Variants in MPPED1 observed in about 807,000 individuals in gnomAD.
The protein encoded by MPPED1 is metallophosphoesterase domain containing 1.
In MPPED1, 16 loss-of-function variants were observed where a neutral mutation model predicts 36.2. That is an observed-to-expected ratio of 0.44 (90% CI 0.30 to 0.67). The LOEUF is 0.67. Ranked by LOEUF, MPPED1 falls within the 30% of genes least tolerant of loss-of-function variation. MPPED1 has a pLI of 0.10. For missense variants in MPPED1, 307 were observed against 453.4 expected (o/e 0.68, Z 2.93); for synonymous variants, 199 against 191.3 (o/e 1.04, Z -0.33).
intron 3 of MPPED1, among the ~76,000 whole-genome samples, chr22:43,446,045 A>AT (rs1479136173): frequency 7.6e-6 from 1 of 131,524 alleles, no homozygotes; most frequent in Non-Finnish European, 1.6e-5. Flanking sequence ...TGATTTTTCT[A>AT]TTTTTTGTAG....
chr22:43,482,888 C>T (rs116615137), intron 4 of MPPED1, among the ~76,000 whole-genome samples: 161 of 152,292 alleles, frequency 1.1e-3, no homozygotes, highest in African/African-American at 3.8e-3. Flanking sequence ...GGGGCCAGAA[C>T]GGAGCAGCCT....
intron 3 of MPPED1, among the ~76,000 whole-genome samples, chr22:43,472,643 T>C (rs1931414708): frequency 1.3e-5 from 2 of 152,182 alleles, no homozygotes; most frequent in African/African-American, 4.8e-5. Context: ...TCTGAGGTGG[T>C]TGGTGAGTCA....
At chr22:43,421,755 C>T in intron 1 of MPPED1, among the ~76,000 whole-genome samples, 1 of 152,214 alleles carries the variant, frequency 6.6e-6, no homozygotes, top group East Asian at 1.9e-4. Flanking sequence ...TGCCTCCATC[C>T]ATCCACTAAT....
At position 43,507,474 on chromosome 22, in the gene MPPED1, C is replaced by T. The variant is rs903216301; in HGVS notation, c.*1858C>T. The T allele has an allele frequency of 3.3e-5, 5 of 152,140 alleles. No homozygotes were observed. The highest frequency in any genetic ancestry group is 1.9e-4 in the East Asian group (1 of 5,192). 9.4% of individuals were successfully genotyped at this position (152,140 alleles called of 1,614,324 possible). On this transcript the variant is annotated 3_prime_UTR_variant, in exon 7 of 7. Coordinates refer to ENST00000443721, the MANE Select transcript of MPPED1 (RefSeq NM_001044370.2). ...GTGGGGTGCAGGGCTCCAGGAATCC[C>T]GTTTGGCTGAAGGGGTTCCTGTAGC... is the stretch of plus-strand genomic sequence containing the variant.
At chr22:43,460,842 CCT>C (rs894783957) in intron 3 of MPPED1, among the ~76,000 whole-genome samples, 14 of 152,126 alleles carry the variant, frequency 9.2e-5, no homozygotes, top group African/African-American at 3.4e-4. Context: ...GGGCCCCTTT[CCT>C]AGGCACACGC....
At chr22:43,488,940 C>T (rs1454791231) in intron 4 of MPPED1, among the ~76,000 whole-genome samples, 1 of 152,210 alleles carries the variant, frequency 6.6e-6, no homozygotes, top group Non-Finnish European at 1.5e-5. Flanking sequence ...GTGTTGGCAA[C>T]AAGTACAGTG....
At chr22:43,418,321 C>G (rs894535875) in intron 1 of MPPED1, 6 of 353,122 alleles carry the variant, frequency 1.7e-5, no homozygotes, top group Admixed American at 7.3e-5. Context: ...TCAAGTCACA[C>G]GGTGAAGCAA....
intron 4 of MPPED1, among the ~76,000 whole-genome samples, chr22:43,495,984 A>AGGT: frequency 2.8e-5 from 2 of 70,990 alleles, no homozygotes; most frequent in African/African-American, 5.4e-5. Flanking sequence ...GTGGTGGTGG[A>AGGT]GATGGTGGTG....
intron 3 of MPPED1, among the ~76,000 whole-genome samples, chr22:43,454,467 G>C (rs1930685099): frequency 2.0e-5 from 3 of 152,038 alleles, no homozygotes; most frequent in African/African-American, 7.2e-5. Context: ...ACCATGCCCA[G>C]CTTATTTTTT....
intron 3 of MPPED1, among the ~76,000 whole-genome samples, chr22:43,448,878 C>A (rs188755268): frequency 2.0e-5 from 3 of 152,150 alleles, no homozygotes; most frequent in Non-Finnish European, 4.4e-5. Flanking sequence ...GGATTACAGG[C>A]GTGAGCCACC....
intron 2 of MPPED1, among the ~76,000 whole-genome samples, chr22:43,430,977 A>G (rs922844597): frequency 1.4e-5 from 2 of 147,678 alleles, no homozygotes; most frequent in African/African-American, 4.9e-5. Flanking sequence ...TGGATCTTCA[A>G]ATTATGCCCT....
intron 2 of MPPED1, among the ~76,000 whole-genome samples, chr22:43,428,630 A>C (rs567238180): frequency 6.6e-6 from 1 of 152,260 alleles, no homozygotes; most frequent in Admixed American, 6.5e-5. Context: ...TATTTAATAA[A>C]TCCACAATTT....
At chr22:43,423,173 A>T (rs943207274) in intron 1 of MPPED1, among the ~76,000 whole-genome samples, 2 of 152,230 alleles carry the variant, frequency 1.3e-5, no homozygotes, top group Non-Finnish European at 2.9e-5. Context: ...CTGGAGGCTC[A>T]GGGAAGTTAG....
At chr22:43,450,132 C>G (rs1185609056) in intron 3 of MPPED1, among the ~76,000 whole-genome samples, 1 of 152,218 alleles carries the variant, frequency 6.6e-6, no homozygotes, top group Non-Finnish European at 1.5e-5. Context: ...CCCTCCCACT[C>G]AGTGTTCTCT....
Position 43,507,612 on chromosome 22 carries a change from C to T in MPPED1, c.*1996C>T, listed in dbSNP as rs959497633. 2.0e-5 allele frequency: 3 copies of T among 152,034 alleles called. No homozygotes were observed. Among genetic ancestry groups the T allele is most frequent in the African/African-American group, 4.8e-5 (2 of 41,374 alleles). The allele number at this position is 152,034 out of a possible 1,614,324, so 9.4% of individuals were successfully genotyped here. On this transcript the variant is annotated 3_prime_UTR_variant, in exon 7 of 7. Transcript: ENST00000443721. ...ACTCAATTTCTATGTGGACCAAGAA[C>T]GATAAACTTAAAAAAATTTTTTTCC... is the stretch of plus-strand genomic sequence containing the variant.
At chr22:43,489,798 C>T (rs907100481) in intron 4 of MPPED1, among the ~76,000 whole-genome samples, 20 of 152,182 alleles carry the variant, frequency 1.3e-4, no homozygotes, top group African/African-American at 2.4e-4. Context: ...AGATTATAGG[C>T]GTGAGCCGCT....
chr22:43,503,662 G>A (rs867405452), intron 6 of MPPED1, among the ~76,000 whole-genome samples: 4 of 152,328 alleles, frequency 2.6e-5, no homozygotes, highest in South Asian at 4.1e-4. Flanking sequence ...GCTCCTGGAG[G>A]AGCCCTAGGC....
At chr22:43,433,067 G>T (rs1013861265) in intron 2 of MPPED1, among the ~76,000 whole-genome samples, 37 of 151,854 alleles carry the variant, frequency 2.4e-4, no homozygotes, top group African/African-American at 8.2e-4. Flanking sequence ...GCTGTGTGTG[G>T]GGGGGCGGCA....
intron 1 of MPPED1, chr22:43,417,944 C>T (rs1601942391): frequency 9.4e-6 from 4 of 425,554 alleles, no homozygotes; most frequent in African/African-American, 2.0e-5. Context: ...AACGCCGCAG[C>T]GGGGATGGCT....
Sources: gnomAD v4.1 joint callset for allele counts (sites outside exome capture counted in the v4.1 genomes callset) on GRCh38, gnomAD v4.1.1 for gene constraint, MANE v1.5 for transcripts, NCBI Gene and HGNC (gene_info 2026-07-23, HGNC 2026-07-21) for gene names.